APBA2: variants seen among roughly 807,000 people sequenced by gnomAD.
The protein encoded by APBA2 is amyloid beta precursor protein binding family A member 2, also known as amyloid-beta A4 precursor protein-binding family A member 2.
In APBA2, 30 loss-of-function variants were observed where a neutral mutation model predicts 75.0. The ratio of observed to expected loss-of-function variants is 0.40; its 90% CI spans 0.30 to 0.54. The LOEUF is 0.54. Ranked by LOEUF, APBA2 falls within the 20% of genes least tolerant of loss-of-function variation. The pLI is 0.49. For synonymous variants in APBA2, 444 were observed against 409.6 expected (o/e 1.08, Z -1.01); for missense variants, 801 against 1,016.1 (o/e 0.79, Z 2.88).
chr15:28,900,507 C>T (rs2032786169), intron 1 of APBA2, among the ~76,000 whole-genome samples: 2 of 152,234 alleles, frequency 1.3e-5, no homozygotes, highest in African/African-American at 4.8e-5. Context: ...ATCTTCTTTC[C>T]AGCCAAGGGG....
chr15:28,894,825 T>C (rs151220776), intron 1 of APBA2, among the ~76,000 whole-genome samples: 8,952 of 150,200 alleles, frequency 0.06, 871 homozygotes, highest in African/African-American at 0.2. Context: ...CAGGGGTGCA[T>C]CTAGAGGCGA....
At chr15:28,887,790 G>A (rs2031852418) in intron 1 of APBA2, among the ~76,000 whole-genome samples, 1 of 152,208 alleles carries the variant, frequency 6.6e-6, no homozygotes, top group African/African-American at 2.4e-5. Flanking sequence ...GTGGGCTCTA[G>A]CAGCACTGTC....
In APBA2 at chr15:29,113,934, G is replaced by T; in HGVS notation, c.2096G>T (p.Arg699Leu). 6.2e-7 allele frequency: 1 copy of T among 1,613,484 alleles called. No homozygotes were observed. ...CGAGGGGGCGTCCGTGTGGGCCACC[G>T]CATCATCGAGATCAACGGGCAGAGC... ...AERGGVRVGH[R>L]IIEINGQSVV... is the part of the protein sequence containing the mutation. Residue 699 changes from arginine (R) to leucine (L), a missense_variant, in exon 14 of 15, where the codon CGC (arginine) becomes CTC (leucine). Arg to Leu is a moderately radical substitution (Grantham distance 102). Transcript: ENST00000683413.
intron 13 of APBA2, among the ~76,000 whole-genome samples, chr15:29,113,269 A>G (rs960340511): frequency 6.6e-6 from 1 of 151,964 alleles, no homozygotes; most frequent in Admixed American, 6.6e-5. Context: ...GCTGCACTCC[A>G]GCCTGGGTGA....
intron 3 of APBA2, among the ~76,000 whole-genome samples, chr15:29,020,866 C>A (rs913270777): frequency 6.6e-6 from 1 of 152,028 alleles, no homozygotes; most frequent in African/African-American, 2.4e-5. Flanking sequence ...AAACAAAAAA[C>A]CAGATTAAAT....
At chr15:28,999,159 A>G (rs1465819983) in intron 3 of APBA2, among the ~76,000 whole-genome samples, 2 of 152,024 alleles carry the variant, frequency 1.3e-5, no homozygotes, top group African/African-American at 2.4e-5. Context: ...AAAAAAAGAA[A>G]AAAAAAAAGG....
chr15:29,100,558 A>G (rs2152960820), intron 9 of APBA2, among the ~76,000 whole-genome samples: 1 of 152,340 alleles, frequency 6.6e-6, no homozygotes, highest in South Asian at 2.1e-4. Flanking sequence ...CAAGGACAAA[A>G]AACCATCAAG....
chr15:29,056,636 C>CTCTCT (rs2041912273), intron 4 of APBA2, among the ~76,000 whole-genome samples: 1 of 96,256 alleles, frequency 1.0e-5, no homozygotes, highest in Non-Finnish European at 1.9e-5. Flanking sequence ...CTCCCTCCCT[C>CTCTCT]CTCTCTCTCT....
chr15:29,105,315 G>C, intron 10 of APBA2, 64 bp from the exon 11 acceptor site: 3 of 1,519,210 alleles, frequency 2.0e-6, no homozygotes, highest in Non-Finnish European at 2.7e-6. Context: ...GCAGCCCCCT[G>C]CTGAGGAGGC....
rs2041815024 is a variant in APBA2 at position 29,054,954 on chromosome 15, C to T, written c.951+119C>T. On this transcript the variant is annotated intron_variant, in intron 4 of 14. Transcript: ENST00000683413. This position sits in a 1 kb window ranked among gnomAD's most constrained non-coding sequence, Gnocchi z 6.1. ...GGGGGGTGCTGGGTGCCTCACAGTTCTAATGGTGGCTGAGCTCTTCATTGG... is the reference window on the plus strand; with the variant it reads ...GGGGGGTGCTGGGTGCCTCACAGTTTTAATGGTGGCTGAGCTCTTCATTGG... 7 of 946,754 alleles carry T rather than the reference C, an allele frequency of 7.4e-6. No homozygotes were observed. In the East Asian group the frequency reaches 1.8e-4, roughly 25 times the overall value. The allele number at this position is 946,754 out of a possible 1,614,324, so 58.6% of individuals were successfully genotyped here.
intron 1 of APBA2, among the ~76,000 whole-genome samples, chr15:28,903,470 A>G (rs774068731): frequency 2.0e-5 from 3 of 152,230 alleles, no homozygotes; most frequent in African/African-American, 4.8e-5. Flanking sequence ...ACAGAAAAAC[A>G]GCCCTGGCCA....
At chr15:29,027,329 G>A (rs2152838942) in intron 3 of APBA2, among the ~76,000 whole-genome samples, 1 of 152,084 alleles carries the variant, frequency 6.6e-6, no homozygotes, top group South Asian at 2.1e-4. Context: ...TAGCTATTCA[G>A]TTTTTCTACT....
At chr15:29,103,600 G>T (rs2044241621) in intron 10 of APBA2, among the ~76,000 whole-genome samples, 1 of 152,208 alleles carries the variant, frequency 6.6e-6, no homozygotes, top group South Asian at 2.1e-4. Context: ...GGAAGGAGGC[G>T]CAGCCCCGCG....
intron 2 of APBA2, among the ~76,000 whole-genome samples, chr15:28,968,246 G>A (rs150113134): frequency 2.0e-5 from 3 of 152,364 alleles, no homozygotes; most frequent in East Asian, 1.9e-4. Context: ...CTATGAGCAT[G>A]AGTGTGCAAA....
chr15:28,979,461 G>C (rs1461556904), intron 2 of APBA2, among the ~76,000 whole-genome samples: 3 of 152,348 alleles, frequency 2.0e-5, no homozygotes, highest in African/African-American at 7.2e-5. Flanking sequence ...GTCTGGGGCA[G>C]AGCTTCTAAG....
intron 2 of APBA2, among the ~76,000 whole-genome samples, chr15:28,928,519 T>C (rs529131189): frequency 3.5e-4 from 53 of 152,296 alleles, no homozygotes; most frequent in African/African-American, 1.3e-3. Context: ...CATCTCAGTC[T>C]TTCTGTGGTC....
intron 1 of APBA2, among the ~76,000 whole-genome samples, chr15:28,909,694 A>G (rs879778189): frequency 5.9e-5 from 9 of 152,198 alleles, no homozygotes; most frequent in Non-Finnish European, 1.3e-4. Context: ...AAACTGGAGC[A>G]GGAGCCAGTT....
At chr15:29,015,548 C>A (rs2039616007) in intron 3 of APBA2, among the ~76,000 whole-genome samples, 1 of 152,104 alleles carries the variant, frequency 6.6e-6, no homozygotes, top group African/African-American at 2.4e-5. Context: ...GAAAACAGAT[C>A]CTGGAGATCA....
At chr15:29,083,740 A>G (rs1371153608) in intron 6 of APBA2, among the ~76,000 whole-genome samples, 1 of 152,134 alleles carries the variant, frequency 6.6e-6, no homozygotes, top group African/African-American at 2.4e-5. Context: ...CATGTTGGTC[A>G]AGCTGGTCTT....
Sources: allele counts gnomAD v4.1 joint callset (sites outside exome capture counted in the v4.1 genomes callset), GRCh38; gene constraint gnomAD v4.1.1; non-coding constraint Gnocchi (gnomAD v3.1); transcripts MANE v1.5; gene names NCBI Gene and HGNC (gene_info 2026-07-23, HGNC 2026-07-21).